The following KCNT2 variants were observed in gnomAD, a reference collection of about 807,000 sequenced individuals.
The protein encoded by KCNT2 is potassium channel subfamily T member 2.
Under a neutral mutation model 153.8 loss-of-function variants are expected in KCNT2, and 67 were observed. The observed-to-expected ratio is 0.44, with a 90% confidence interval of 0.36 to 0.53. The LOEUF (loss-of-function observed/expected upper bound fraction) is 0.53, where lower values mean the gene tolerates loss of function less well. Among genes scored for constraint, KCNT2 ranks in the 20% least tolerant of loss-of-function variants. The pLI is 0.00. For missense variants in KCNT2, 975 were observed against 1,354.8 expected, an observed-to-expected ratio of 0.72 and a Z score of 4.40; for synonymous variants, 500 against 458.8, an observed-to-expected ratio of 1.09 and a Z score of -1.15.
intron 8 of KCNT2, among the ~76,000 whole-genome samples, chr1:196,437,298 A>T (rs1405589579): frequency 1.5e-5 from 2 of 132,600 alleles, no homozygotes; most frequent in African/African-American, 2.7e-5. Flanking sequence ...TATAATATAT[A>T]TAAATATATT....
intron 1 of KCNT2, among the ~76,000 whole-genome samples, chr1:196,598,314 AC>A (rs1664324100): frequency 6.6e-6 from 1 of 152,054 alleles, no homozygotes; most frequent in Non-Finnish European, 1.5e-5. Flanking sequence ...GATACTAACT[AC>A]CTTTACCCTA....
intron 19 of KCNT2, among the ~76,000 whole-genome samples, chr1:196,321,897 C>CA (rs1453753541): frequency 6.6e-6 from 1 of 151,902 alleles, no homozygotes; most frequent in Non-Finnish European, 1.5e-5. Context: ...TGGCACCGAC[C>CA]TGTTTAGTAA....
intron 9 of KCNT2, among the ~76,000 whole-genome samples, chr1:196,428,513 CA>C (rs763397686): frequency 2.0e-5 from 3 of 152,066 alleles, no homozygotes; most frequent in Non-Finnish European, 2.9e-5. Context: ...CACATAATAA[CA>C]GGCCACTAAG....
chr1:196,461,091 T>C (rs1316859597), intron 8 of KCNT2, among the ~76,000 whole-genome samples: 1 of 151,776 alleles, frequency 6.6e-6, no homozygotes, highest in Non-Finnish European at 1.5e-5. Flanking sequence ...CATTAGACCA[T>C]GTTGTAATTC....
intron 25 of KCNT2, among the ~76,000 whole-genome samples, chr1:196,260,671 C>A (rs929893664): frequency 6.6e-6 from 1 of 151,766 alleles, no homozygotes; most frequent in Non-Finnish European, 1.5e-5. Context: ...TTGCTCTTTA[C>A]ATGTTTGGAA....
At chr1:196,362,338 G>A (rs1207404528) in intron 14 of KCNT2, among the ~76,000 whole-genome samples, 1 of 152,068 alleles carries the variant, frequency 6.6e-6, no homozygotes, top group African/African-American at 2.4e-5. Context: ...TTCTGGTGAT[G>A]ATAAATGACA....
chr1:196,245,844 G>A (rs1355966241), intron 26 of KCNT2, among the ~76,000 whole-genome samples: 1 of 152,118 alleles, frequency 6.6e-6, no homozygotes, highest in Non-Finnish European at 1.5e-5. Flanking sequence ...CATGCCTACA[G>A]AATCTAGAAA....
chr1:196,305,938 C>T (rs934661348), intron 21 of KCNT2, among the ~76,000 whole-genome samples: 3 of 151,996 alleles, frequency 2.0e-5, no homozygotes, highest in African/African-American at 4.8e-5. Flanking sequence ...TTCACAGGTC[C>T]CATGGCTTCA....
chr1:196,406,128 G>A (rs1671809721), intron 12 of KCNT2, among the ~76,000 whole-genome samples: 1 of 151,332 alleles, frequency 6.6e-6, no homozygotes, highest in Non-Finnish European at 1.5e-5. Context: ...GAACATCCAG[G>A]TCTAATATGT....
chr1:196,479,389 A>G, intron 4 of KCNT2, 151 bp from the exon 5 acceptor site: 1 of 564,222 alleles, frequency 1.8e-6, no homozygotes. Flanking sequence ...TAACTTCTAT[A>G]CACAGATGAC....
rs145726705 is a variant in KCNT2 at position 196,423,033 on chromosome 1, A to T, written c.1185+17T>A. 3.3e-6 allele frequency: 5 copies of T among 1,515,682 alleles called. No individual in the cohort carries two copies. The highest frequency in any genetic ancestry group is 2.7e-6 in the Non-Finnish European group (3 of 1,118,146). 93.9% of individuals were successfully genotyped at this position (1,515,682 alleles called of 1,614,324 possible). ...AATGGAAAGCACAACTTACTAAAAA[A>T]GATTTTAGAAACTTACAGATGATGT... is the stretch of plus-strand genomic sequence containing the variant. On this transcript the variant is annotated intron_variant, in intron 12 of 27. Coordinates refer to ENST00000294725, the MANE Select transcript of KCNT2 (RefSeq NM_198503.5).
At chr1:196,334,141 T>G in intron 16 of KCNT2, 81 bp from the exon 17 acceptor site, 2 of 777,184 alleles carry the variant, frequency 2.6e-6, no homozygotes, top group Non-Finnish European at 4.3e-6. Context: ...AAATATGAAA[T>G]ATAATAAACA....
At chr1:196,329,590 T>C (rs1476584955) in intron 18 of KCNT2, among the ~76,000 whole-genome samples, 2 of 151,724 alleles carry the variant, frequency 1.3e-5, no homozygotes, top group Non-Finnish European at 2.9e-5. Context: ...CTGAAGCATA[T>C]ATTATTTTAA....
chr1:196,600,867 A>G (rs181762998), intron 1 of KCNT2, among the ~76,000 whole-genome samples: 7 of 152,322 alleles, frequency 4.6e-5, no homozygotes, highest in African/African-American at 1.7e-4. Flanking sequence ...AAATCTCAAG[A>G]TGAGAAGGGA....
intron 20 of KCNT2, among the ~76,000 whole-genome samples, chr1:196,318,343 TC>T (rs576596026): frequency 1.0e-3 from 154 of 151,850 alleles, no homozygotes; most frequent in African/African-American, 3.7e-3. Flanking sequence ...AACATAACTG[TC>T]CCCAGACCAA....
intron 6 of KCNT2, 52 bp downstream of exon 6, chr1:196,468,942 T>G: frequency 1.9e-6 from 2 of 1,046,808 alleles, no homozygotes; most frequent in Non-Finnish European, 1.5e-6. Flanking sequence ...TTTAAATATT[T>G]TACTTAAGTC....
chr1:196,608,220 G>A lies in KCNT2; in HGVS notation c.90C>T (p.Asp30=). ...LLLGDQGWQN[D]DRVQVEFYMN... The stretch of plus-strand genomic sequence containing the variant: ...TCCTCCACCACACCACTCACCTGTC[G>A]TCGTTTTGCCATCCTTGGTCCCCTA... The change falls in exon 1 of 28, where the codon GAC becomes GAT. Residue 30 remains aspartate (D), a synonymous_variant. Coordinates refer to ENST00000294725, the MANE Select transcript of KCNT2 (RefSeq NM_198503.5). 6.2e-7 allele frequency: 1 copy of A among 1,613,724 alleles called. No homozygotes were observed. The highest frequency in any genetic ancestry group is 8.5e-7 in the Non-Finnish European group (1 of 1,179,780).
In KCNT2 at chr1:196,414,256, T is replaced by G. The variant is rs140429331; in HGVS notation, c.1185+8794A>C. On this transcript the variant is annotated intron_variant, in intron 12 of 27. Coordinates refer to ENST00000294725, the MANE Select transcript of KCNT2 (RefSeq NM_198503.5). Reference sequence around the variant, plus strand: ...CTATAAAAAACTACATTATACTCTGTACATTACAATTCTAAGACTTGCAGT... The same window carrying G: ...CTATAAAAAACTACATTATACTCTGGACATTACAATTCTAAGACTTGCAGT... Among the ~76,000 whole-genome samples, 875 of 151,860 alleles carry G rather than the reference T, an allele frequency of 5.8e-3. 6 individuals are homozygous for G. Among genetic ancestry groups the G allele is most frequent in the Middle Eastern group, 0.018 (5 of 284 alleles).
At chr1:196,317,385 T>C (rs1572016842) in intron 20 of KCNT2, 1 of 286,686 alleles carries the variant, frequency 3.5e-6, no homozygotes, top group Non-Finnish European at 7.2e-6. Context: ...ACTTGGGTCT[T>C]TCTTTTATTC....
Sources: allele counts gnomAD v4.1 joint callset (sites outside exome capture counted in the v4.1 genomes callset), GRCh38; gene constraint gnomAD v4.1.1; transcripts MANE v1.5; gene names NCBI Gene and HGNC (gene_info 2026-07-23, HGNC 2026-07-21).